HERPUD2: variants seen among roughly 807,000 people sequenced by gnomAD.
HERPUD2 encodes HERPUD family member 2.
HERPUD2 carries 13 observed loss-of-function variants against 49.9 expected under a neutral mutation model. The observed-to-expected ratio is 0.26, with a 90% CI of 0.17 to 0.41. HERPUD2 has a LOEUF of 0.41. HERPUD2 is among the 10% of genes least tolerant of loss of function. The pLI is 1.00. For missense variants in HERPUD2, 449 were observed against 492.2 expected (o/e 0.91, Z 0.83); for synonymous variants, 172 against 171.4 (o/e 1.00, Z -0.03).
chr7:35,664,556 T>G (rs894955974), intron 5 of HERPUD2, among the ~76,000 whole-genome samples: 11 of 152,348 alleles, frequency 7.2e-5, no homozygotes, highest in African/African-American at 1.9e-4. Flanking sequence ...TCTTCTCACA[T>G]AGTCCCATAT....
intron 5 of HERPUD2, among the ~76,000 whole-genome samples, chr7:35,666,995 C>G (rs1040598897): frequency 1.3e-5 from 2 of 152,216 alleles, no homozygotes; most frequent in Non-Finnish European, 2.9e-5. Flanking sequence ...TATACCTTCA[C>G]TCAACCACAT....
intron 2 of HERPUD2, among the ~76,000 whole-genome samples, chr7:35,685,448 C>T (rs919486632): frequency 6.6e-5 from 10 of 151,330 alleles, no homozygotes; most frequent in Non-Finnish European, 1.5e-4. Context: ...CTCAGCCTCC[C>T]GAGTAGCTGG....
intron 5 of HERPUD2, among the ~76,000 whole-genome samples, chr7:35,650,566 C>T (rs569528877): frequency 6.6e-6 from 1 of 152,294 alleles, no homozygotes; most frequent in South Asian, 2.1e-4. Flanking sequence ...AACTCCGGTA[C>T]CTCACATCCC....
At chr7:35,681,344 C>T (rs1402172104) in intron 2 of HERPUD2, among the ~76,000 whole-genome samples, 2 of 152,082 alleles carry the variant, frequency 1.3e-5, no homozygotes, top group East Asian at 3.8e-4. Context: ...AGAAACTAGA[C>T]CCTTCCTACA....
intron 5 of HERPUD2, among the ~76,000 whole-genome samples, chr7:35,656,704 A>T (rs1206599532): frequency 6.6e-6 from 1 of 152,148 alleles, no homozygotes; most frequent in Non-Finnish European, 1.5e-5. Context: ...TTTTTTCTGA[A>T]TGTTTCTCAA....
chr7:35,636,681 A>C (rs1259190185), intron 6 of HERPUD2, among the ~76,000 whole-genome samples: 2 of 152,188 alleles, frequency 1.3e-5, no homozygotes, highest in African/African-American at 4.8e-5. Flanking sequence ...GGGCTTATGA[A>C]AGAGAGCCTT....
chr7:35,640,173 C>G (rs989905681), intron 5 of HERPUD2, among the ~76,000 whole-genome samples: 1 of 152,192 alleles, frequency 6.6e-6, no homozygotes, highest in Non-Finnish European at 1.5e-5. Flanking sequence ...CACCAGGGAG[C>G]TGATGCATCT....
intron 5 of HERPUD2, among the ~76,000 whole-genome samples, chr7:35,655,899 G>A (rs924990708): frequency 3.9e-5 from 6 of 152,152 alleles, no homozygotes; most frequent in Middle Eastern, 3.2e-3. Context: ...GGTGGCTCAC[G>A]CCTGTAATCC....
chr7:35,640,501 T>C (rs1287984958), intron 5 of HERPUD2, among the ~76,000 whole-genome samples: 1 of 152,208 alleles, frequency 6.6e-6, no homozygotes, highest in Non-Finnish European at 1.5e-5. Context: ...ATAAGGTGAT[T>C]GTTGAAAATA....
At chr7:35,656,875 A>G (rs1420788946) in intron 5 of HERPUD2, among the ~76,000 whole-genome samples, 2 of 152,156 alleles carry the variant, frequency 1.3e-5, no homozygotes, top group East Asian at 3.8e-4. Flanking sequence ...AAGACAGATT[A>G]AAGACTTAAA....
intron 2 of HERPUD2, among the ~76,000 whole-genome samples, 164 bp from the exon 3 acceptor site, chr7:35,673,442 A>G (rs976114853): frequency 6.6e-6 from 1 of 152,172 alleles, no homozygotes; most frequent in African/African-American, 2.4e-5. Context: ...TCTACTTAAG[A>G]AAAAAACATT....
intron 5 of HERPUD2, among the ~76,000 whole-genome samples, chr7:35,649,626 GA>G (rs1785123015): frequency 1.3e-5 from 2 of 152,250 alleles, no homozygotes; most frequent in South Asian, 4.1e-4. Flanking sequence ...AGAAAGGCAG[GA>G]TAACTCAAAG....
chr7:35,672,866 G>A (rs955751399), intron 3 of HERPUD2, among the ~76,000 whole-genome samples: 1 of 152,012 alleles, frequency 6.6e-6, no homozygotes, highest in African/African-American at 2.4e-5. Flanking sequence ...GAGATTAAGA[G>A]GAAAGACTGT....
chr7:35,648,837 T>C (rs948067296), intron 5 of HERPUD2, among the ~76,000 whole-genome samples: 9 of 152,186 alleles, frequency 5.9e-5, no homozygotes, highest in African/African-American at 9.6e-5. Flanking sequence ...ATAAAATGTA[T>C]TGTAAGCCAC....
Position 35,635,311 on chromosome 7 carries a change from C to T in HERPUD2, c.765G>A (p.Glu255=). The T allele has an allele frequency of 6.2e-7, 1 of 1,614,114 alleles. No homozygotes were observed. ...LVAQENRPMN[E]NVQMNAQGGP... ...CTCCCTGTGCATTCATTTGAACATT[C>T]TCATTCATGGGTCGATTTTCTTGGG... The change falls in exon 7 of 9, where the codon GAG becomes GAA. Residue 255 remains glutamate (E), a synonymous_variant. Coordinates refer to ENST00000311350, the MANE Select transcript of HERPUD2 (RefSeq NM_022373.5).
At chr7:35,682,908 A>C (rs1333966987) in intron 2 of HERPUD2, among the ~76,000 whole-genome samples, 1 of 152,148 alleles carries the variant, frequency 6.6e-6, no homozygotes, top group Non-Finnish European at 1.5e-5. Flanking sequence ...AACACTGGTG[A>C]AAGAAATCAT....
rs764377315 is a variant in HERPUD2, at chr7:35,634,279, T to A, written c.1059+33A>T. The A allele has an allele frequency of 2.2e-6, 3 of 1,334,938 alleles. No homozygotes were observed. In the African/African-American group the frequency reaches 4.3e-5, roughly 19 times the overall value. The allele number at this position is 1,334,938 out of a possible 1,614,324, so 82.7% of individuals were successfully genotyped here. A position where few individuals can be genotyped will look rare whatever the true frequency, so the allele number is the denominator to read the frequency against. On this transcript the variant is annotated intron_variant, in intron 8 of 8. Transcript: ENST00000311350. ...CCATACCGTGCTGGGAAAATCTCAGTATCTTAAGTATACAAAAGCTTCAAT... is the reference window on the plus strand; with the variant it reads ...CCATACCGTGCTGGGAAAATCTCAGAATCTTAAGTATACAAAAGCTTCAAT...
At chr7:35,692,329 AG>A (rs1786211817) in intron 2 of HERPUD2, among the ~76,000 whole-genome samples, 1 of 152,154 alleles carries the variant, frequency 6.6e-6, no homozygotes, top group African/African-American at 2.4e-5. Flanking sequence ...AAAAAGCTTT[AG>A]AAAAAAGTCT....
intron 5 of HERPUD2, among the ~76,000 whole-genome samples, chr7:35,646,106 T>A (rs1470192883): frequency 6.6e-6 from 1 of 152,208 alleles, no homozygotes; most frequent in African/African-American, 2.4e-5. Flanking sequence ...AACAACTTCA[T>A]ATGAGCATTA....
Sources: gnomAD v4.1 joint callset for allele counts (sites outside exome capture counted in the v4.1 genomes callset) on GRCh38, gnomAD v4.1.1 for gene constraint, MANE v1.5 for transcripts, NCBI Gene and HGNC (gene_info 2026-07-23, HGNC 2026-07-21) for gene names.